NRXN1: variants seen among roughly 807,000 people sequenced by gnomAD.
NRXN1 encodes neurexin 1, also known as neurexin-1.
Under a neutral mutation model 150.9 loss-of-function variants are expected in NRXN1, and 39 were observed. That is an observed-to-expected ratio of 0.26 (90% CI 0.20 to 0.34). The LOEUF is 0.34. NRXN1 is among the 10% of genes least tolerant of loss of function. The pLI is 1.00. For missense variants in NRXN1, 1,815 were observed against 1,949.9 expected (o/e 0.93, Z 1.30); for synonymous variants, 924 against 757.0 (o/e 1.22, Z -3.62).
chr2:50,435,639 G>C (rs980460018), intron 17 of NRXN1, among the ~76,000 whole-genome samples: 3 of 152,078 alleles, frequency 2.0e-5, no homozygotes, highest in Non-Finnish European at 4.4e-5. Context: ...GAACAATTTA[G>C]ATTCCCTTGA....
At chr2:50,977,345 G>A (rs1249379465) in intron 2 of NRXN1, among the ~76,000 whole-genome samples, 1 of 151,780 alleles carries the variant, frequency 6.6e-6, no homozygotes, top group Non-Finnish European at 1.5e-5. Flanking sequence ...TTTAATATGA[G>A]CATATTTTAT....
intron 17 of NRXN1, among the ~76,000 whole-genome samples, chr2:50,340,583 C>T (rs922818123): frequency 6.6e-5 from 10 of 151,614 alleles, no homozygotes; most frequent in African/African-American, 2.2e-4. Context: ...AAAAATATCT[C>T]CAGTTACAAT....
At chr2:50,478,352 A>C (rs996736846) in intron 15 of NRXN1, among the ~76,000 whole-genome samples, 1 of 152,228 alleles carries the variant, frequency 6.6e-6, no homozygotes, top group African/African-American at 2.4e-5. Flanking sequence ...ATAAGAAACC[A>C]CACAGAAATG....
intron 17 of NRXN1, among the ~76,000 whole-genome samples, chr2:50,245,362 A>T (rs114665822): frequency 3.1e-4 from 47 of 152,056 alleles, no homozygotes; most frequent in Non-Finnish European, 5.6e-4. Context: ...AAGCAAAGTA[A>T]TCCCACAACC....
intron 17 of NRXN1, among the ~76,000 whole-genome samples, chr2:50,424,159 GGGA>G (rs1202697190): frequency 1.2e-5 from 1 of 86,852 alleles, no homozygotes; most frequent in African/African-American, 5.1e-5. Flanking sequence ...GAGGAGGAAG[GGGA>G]GGAGGAGGAG....
At chr2:51,022,597 A>G (rs1253224697) in intron 2 of NRXN1, among the ~76,000 whole-genome samples, 1 of 152,130 alleles carries the variant, frequency 6.6e-6, no homozygotes, top group African/African-American at 2.4e-5. Context: ...GATCAAAACT[A>G]TTGATGAGTT....
At chr2:50,764,009 C>T (rs939984325) in intron 5 of NRXN1, among the ~76,000 whole-genome samples, 1 of 150,040 alleles carries the variant, frequency 6.7e-6, no homozygotes, top group Non-Finnish European at 1.5e-5. Flanking sequence ...GACTGTGACA[C>T]ATCCGTTGGC....
rs755028990 is a variant in NRXN1, at chr2:50,531,446, G to A, written c.2144-16C>T. 6.3e-7 allele frequency: 1 copy of A among 1,594,342 alleles called. No individual in the cohort carries two copies. Among genetic ancestry groups the A allele is most frequent in the Non-Finnish European group, 8.6e-7 (1 of 1,166,818 alleles). On this transcript the variant is annotated splice_polypyrimidine_tract_variant and intron_variant, in intron 10 of 22. Transcript: ENST00000401669. ...ACCGTTGCCTCTAGAGATGGAAAAT[G>A]AATATGATAAGTTCTTGGATGGTAT...
At chr2:50,671,117 A>G (rs534557509) in intron 5 of NRXN1, among the ~76,000 whole-genome samples, 3 of 151,940 alleles carry the variant, frequency 2.0e-5, no homozygotes, top group African/African-American at 7.2e-5. Flanking sequence ...ACTTACATAA[A>G]TCTTTAAAAA....
chr2:50,699,264 G>T (rs376815804), intron 5 of NRXN1, among the ~76,000 whole-genome samples: 3 of 152,144 alleles, frequency 2.0e-5, no homozygotes, highest in Admixed American at 2.0e-4. Flanking sequence ...TAACTTTTGG[G>T]ATTCACCACC....
At chr2:50,708,925 G>A (rs1694786500) in intron 5 of NRXN1, among the ~76,000 whole-genome samples, 1 of 152,164 alleles carries the variant, frequency 6.6e-6, no homozygotes, top group Non-Finnish European at 1.5e-5. Flanking sequence ...CTCAGATCAG[G>A]AACAAGCCTG....
intron 9 of NRXN1, among the ~76,000 whole-genome samples, chr2:50,547,213 A>T (rs1355277668): frequency 6.6e-6 from 1 of 152,156 alleles, no homozygotes. Flanking sequence ...CGCTGACACA[A>T]TCAGCTGTAC....
rs537030417 is a variant in NRXN1, at chr2:50,796,782, T to A, written c.832+125087A>T. The stretch of plus-strand genomic sequence containing the variant: ...TCCCATAAATTTATGTGTTTATGAG[T>A]TTTTTAGTATTTTAGTCCATTTGGG... On this transcript the variant is annotated intron_variant, in intron 5 of 22. Transcript: ENST00000401669. Among the ~76,000 whole-genome samples, 24 of 152,256 alleles carry A rather than the reference T, an allele frequency of 1.6e-4. No individual in the cohort carries two copies. The South Asian group carries it at 3.7e-3, about 24-fold the overall frequency.
At chr2:50,334,278 T>C (rs1028351158) in intron 17 of NRXN1, among the ~76,000 whole-genome samples, 3 of 150,394 alleles carry the variant, frequency 2.0e-5, no homozygotes, top group African/African-American at 7.5e-5. Flanking sequence ...TACACACACG[T>C]ACATACAAAG....
In NRXN1 at chr2:50,538,405, C is replaced by T. The variant is rs757918008; in HGVS notation, c.1991G>A (p.Ser664Asn). ...KDIRQMAEVQ[S>N]TAGVKPSCSK... ...GCAGGAAGGCTTCACTCCAGCAGTA[C>T]TTTGAACTTCAGCCATTTGCCGGAT... is the stretch of plus-strand genomic sequence containing the variant. Residue 664 changes from serine (S) to asparagine (N), a missense_variant, in exon 10 of 23, where the codon AGT becomes AAT. Ser to Asn is a conservative substitution (Grantham distance 46). Around this residue, in one of 6 missense-constraint regions of NRXN1, gnomAD observed 638 missense variants for 652.6 expected, o/e 0.98. Transcript: ENST00000401669. The T allele has an allele frequency of 5.6e-6, 9 of 1,613,974 alleles. No homozygotes were observed. Among genetic ancestry groups the T allele is most frequent in the Non-Finnish European group, 7.6e-6 (9 of 1,179,864 alleles).
chr2:50,675,371 A>C (rs1190153478), intron 5 of NRXN1, among the ~76,000 whole-genome samples: 2 of 152,154 alleles, frequency 1.3e-5, no homozygotes, highest in Non-Finnish European at 2.9e-5. Context: ...CTAGTCAATA[A>C]TAGAAACATA....
intron 5 of NRXN1, 35 bp downstream of exon 5, chr2:50,921,834 A>G: frequency 9.1e-7 from 1 of 1,100,812 alleles, no homozygotes; most frequent in African/African-American, 1.6e-5. Flanking sequence ...TAATTCATAC[A>G]GATGATATTA....
intron 18 of NRXN1, among the ~76,000 whole-genome samples, chr2:50,124,991 T>C (rs1262073051): frequency 6.6e-6 from 1 of 152,154 alleles, no homozygotes; most frequent in Non-Finnish European, 1.5e-5. Context: ...CATTTGCATA[T>C]ATATACAAAC....
chr2:50,257,095 G>C (rs1574781750), intron 17 of NRXN1, among the ~76,000 whole-genome samples: 1 of 151,982 alleles, frequency 6.6e-6, no homozygotes, highest in Non-Finnish European at 1.5e-5. Context: ...AAATTTGATA[G>C]AGAAGCTATT....
Sources: gnomAD v4.1 joint callset for allele counts (sites outside exome capture counted in the v4.1 genomes callset) on GRCh38, gnomAD v4.1.1 for gene constraint, gnomAD v4.1.1 regional missense constraint, MANE v1.5 for transcripts, NCBI Gene and HGNC (gene_info 2026-07-23, HGNC 2026-07-21) for gene names.